JAKMIP3: variants seen among roughly 807,000 people sequenced by gnomAD.
The protein encoded by JAKMIP3 is janus kinase and microtubule-interacting protein 3.
JAKMIP3 carries 58 observed loss-of-function variants against 118.5 expected under a neutral mutation model. That is an observed-to-expected ratio of 0.49 (90% CI 0.40 to 0.61). The LOEUF is 0.61. Among genes scored for constraint, JAKMIP3 ranks in the 20% least tolerant of loss-of-function variants. JAKMIP3 has a pLI of 0.00. For synonymous variants in JAKMIP3, 486 were observed against 451.2 expected (o/e 1.08, Z -0.98); for missense variants, 950 against 1,109.0 (o/e 0.86, Z 2.04).
intron 23 of JAKMIP3, among the ~76,000 whole-genome samples, chr10:132,172,907 G>A (rs2059641287): frequency 6.6e-6 from 1 of 150,544 alleles, no homozygotes; most frequent in Non-Finnish European, 1.5e-5. Flanking sequence ...ACCAACCTGT[G>A]CACACCCACA....
intron 14 of JAKMIP3, 32 bp from the exon 15 acceptor site, chr10:132,149,380 G>C: frequency 7.1e-7 from 1 of 1,414,538 alleles, no homozygotes; most frequent in Non-Finnish European, 9.8e-7. Context: ...GATGGGAGGG[G>C]AGCGGCTCAC....
At position 132,104,724 on chromosome 10, in the gene JAKMIP3, T is replaced by G. The variant is rs2045638444; in HGVS notation, c.-85T>G. 7.2e-7 allele frequency: 1 copy of G among 1,385,486 alleles called. No homozygotes were observed. The highest frequency in any genetic ancestry group is 9.9e-7 in the Non-Finnish European group (1 of 1,010,780). 85.8% of individuals were successfully genotyped at this position (1,385,486 alleles called of 1,614,324 possible). On this transcript the variant is annotated 5_prime_UTR_variant, in exon 2 of 24. Coordinates refer to ENST00000684848, the MANE Select transcript of JAKMIP3 (RefSeq NM_001323087.2). ...AGCCCGGGTGACACCTGCTGGGAGCTTGGCGTGGACACCCCAGCCACCCCC... is the reference window on the plus strand; with the variant it reads ...AGCCCGGGTGACACCTGCTGGGAGCGTGGCGTGGACACCCCAGCCACCCCC...
chr10:132,113,456 A>G (rs1472215314), intron 2 of JAKMIP3, among the ~76,000 whole-genome samples: 1 of 152,268 alleles, frequency 6.6e-6, no homozygotes, highest in Admixed American at 6.5e-5. Context: ...AGCTCTGCTA[A>G]TGATAAGGAA....
rs2045646479 is a variant in JAKMIP3, at chr10:132,104,774, A to T, written c.-35A>T. 1 of 1,544,074 alleles carries T rather than the reference A, an allele frequency of 6.5e-7. No individual in the cohort carries two copies. ...CAGCCCAGCCCAGCCGGAGCACCCTACCCCTGGGCATCCCCCTGGCCATCC... is the reference window on the plus strand; with the variant it reads ...CAGCCCAGCCCAGCCGGAGCACCCTTCCCCTGGGCATCCCCCTGGCCATCC... On this transcript the variant is annotated 5_prime_UTR_variant, in exon 2 of 24. Coordinates refer to ENST00000684848, the MANE Select transcript of JAKMIP3 (RefSeq NM_001323087.2).
intron 19 of JAKMIP3, among the ~76,000 whole-genome samples, chr10:132,154,396 G>A (rs1422720712): frequency 2.0e-5 from 3 of 152,218 alleles, no homozygotes; most frequent in African/African-American, 4.8e-5. Flanking sequence ...GCTCACTAGT[G>A]GGAGGTGTGG....
At chr10:132,089,476 A>C (rs938638450) in intron 1 of JAKMIP3, among the ~76,000 whole-genome samples, 3 of 152,206 alleles carry the variant, frequency 2.0e-5, no homozygotes, top group African/African-American at 7.2e-5. Flanking sequence ...AGCAATTGTG[A>C]ATGAGAGTTC....
rs762758891 is a variant in JAKMIP3, at chr10:132,135,987, C to A, written c.1027C>A (p.Arg343Ser). Reference protein sequence around the residue: ...QYKPLLDKNKRLSRKNEDLSH... With the variant: ...QYKPLLDKNKSLSRKNEDLSH... The stretch of plus-strand genomic sequence containing the variant: ...CAAGCCTCTGCTGGATAAAAACAAG[C>A]GCCTCAGTCGGAAGAACGAGGATTT... Residue 343 changes from arginine to serine, a missense_variant, in exon 6 of 24, where the codon CGC becomes AGC. Transcript: ENST00000684848. 53 of 1,613,390 alleles carry A rather than the reference C, an allele frequency of 3.3e-5. No individual in the cohort carries two copies. The highest frequency in any genetic ancestry group is 4.3e-5 in the Non-Finnish European group (51 of 1,179,738).
intron 19 of JAKMIP3, among the ~76,000 whole-genome samples, chr10:132,158,010 T>A (rs1589979550): frequency 6.6e-6 from 1 of 151,794 alleles, no homozygotes; most frequent in East Asian, 1.9e-4. Flanking sequence ...TACTTTGAGG[T>A]GTGTGTGAGG....
In JAKMIP3 at chr10:132,117,443, G is replaced by A. The variant is rs374511964; in HGVS notation, c.502G>A (p.Val168Met). The A allele has an allele frequency of 3.7e-6, 6 of 1,613,892 alleles. No homozygotes were observed. The highest frequency in any genetic ancestry group is 1.3e-5 in the African/African-American group (1 of 74,950). ...CGAGCTCAAGGGCGCCAAAAGGCAG[G>A]TGGAGGAGGCGCTGACGCTGGTGAT... ...ISELKGAKRQ[V>M]EEALTLVIQA... is the part of the protein sequence containing the mutation. The change falls in exon 3 of 24, where the codon GTG (valine) becomes ATG (methionine). Residue 168 changes from valine to methionine, a missense_variant. Physicochemically the swap from Val to Met is conservative, Grantham distance 21 (BLOSUM62 1). Coordinates refer to ENST00000684848, the MANE Select transcript of JAKMIP3 (RefSeq NM_001323087.2). The surrounding 1 kb of genome is among the most constrained non-coding windows in gnomAD (Gnocchi z 8.6).
chr10:132,129,537 T>C (rs952190347), intron 3 of JAKMIP3, among the ~76,000 whole-genome samples: 6 of 152,176 alleles, frequency 3.9e-5, no homozygotes, highest in Admixed American at 3.9e-4. Flanking sequence ...ATTCTGATCT[T>C]AGTGTCCTGC....
chr10:132,145,544 G>A lies in JAKMIP3; in HGVS notation c.1713G>A (p.Gln571=). 1 of 1,564,738 alleles carries A rather than the reference G, an allele frequency of 6.4e-7. No homozygotes were observed. Among genetic ancestry groups the A allele is most frequent in the Non-Finnish European group, 8.7e-7 (1 of 1,154,538 alleles). ...GQDMKWIEEK[Q]ALYRRNQELV... is the part of the protein sequence containing the mutation. ...ATATGAAGTGGATTGAAGAGAAGCA[G>A]GCACTGTACCGGAGAAATCAAGAGC... is the stretch of plus-strand genomic sequence containing the variant. Residue 571 remains glutamine, a synonymous_variant, in exon 13 of 24, where the codon CAG becomes CAA. Transcript: ENST00000684848.
At chr10:132,142,539 C>T (rs2818385) in intron 11 of JAKMIP3, among the ~76,000 whole-genome samples, 114,377 of 152,182 alleles carry the variant, frequency 0.75, 43,649 homozygotes, top group East Asian at 0.98. Flanking sequence ...CCCCAGCAGC[C>T]GTGTCCCTCC....
upstream of JAKMIP3, among the ~76,000 whole-genome samples, chr10:132,060,207 T>A (rs2038352849): frequency 6.6e-6 from 1 of 152,134 alleles, no homozygotes; most frequent in African/African-American, 2.4e-5. Context: ...TTAGGGGGAC[T>A]TTGAAGAGCT....
intron 3 of JAKMIP3, among the ~76,000 whole-genome samples, chr10:132,133,051 G>C (rs2050943790): frequency 2.6e-5 from 4 of 152,226 alleles, no homozygotes; most frequent in Admixed American, 2.6e-4. Context: ...GGGGTGCCTT[G>C]CTGAGCACAC....
chr10:132,057,795 C>G (rs887196686), intron 1 of JAKMIP3, among the ~76,000 whole-genome samples: 1 of 152,198 alleles, frequency 6.6e-6, no homozygotes, highest in Non-Finnish European at 1.5e-5. Flanking sequence ...GTCTCCAGTG[C>G]CGTCCTGGAC....
At chr10:132,078,677 T>G (rs1301371500) in intron 1 of JAKMIP3, among the ~76,000 whole-genome samples, 1 of 151,118 alleles carries the variant, frequency 6.6e-6, no homozygotes, top group East Asian at 1.9e-4. Context: ...ATGTAGCTAC[T>G]CCTGAGGTTT....
intron 23 of JAKMIP3, among the ~76,000 whole-genome samples, chr10:132,169,371 G>A (rs549965240): frequency 1.3e-5 from 2 of 152,288 alleles, no homozygotes; most frequent in South Asian, 2.1e-4. Context: ...CTCCGAGTGC[G>A]CCTCCCTCCG....
chr10:132,061,246 A>ACACACACACCTGCCGTGATGGCGCG (rs1304991522), upstream of JAKMIP3, among the ~76,000 whole-genome samples: 16 of 56,188 alleles, frequency 2.8e-4, no homozygotes, highest in Admixed American at 4.7e-4. Context: ...GTGACGGCGC[A>ACACACACACCTGCCGTGATGGCGCG]CACACACACC....
At chr10:132,155,066 G>A (rs1251948398) in intron 19 of JAKMIP3, among the ~76,000 whole-genome samples, 1 of 5,024 alleles carries the variant, frequency 2.0e-4, no homozygotes, top group Non-Finnish European at 4.8e-4. Context: ...TGGTAGTAGT[G>A]GTAATGGTGA....
Sources: gnomAD v4.1 joint callset for allele counts (sites outside exome capture counted in the v4.1 genomes callset) on GRCh38, gnomAD v4.1.1 for gene constraint, Gnocchi (gnomAD v3.1) non-coding constraint, MANE v1.5 for transcripts, NCBI Gene and HGNC (gene_info 2026-07-23, HGNC 2026-07-21) for gene names.